The following PSMA8 variants were observed in gnomAD, a reference collection of about 807,000 sequenced individuals.
PSMA8 encodes proteasome 20S subunit alpha 8.
A neutral mutation model predicts 32.4 loss-of-function variants in PSMA8; 18 were observed. The observed-to-expected ratio is 0.56, with a 90% CI of 0.38 to 0.82. PSMA8 has a LOEUF of 0.82. PSMA8 is among the 40% of genes least tolerant of loss of function. The probability of loss-of-function intolerance (pLI) is 0.00; values close to 1 mark genes in which losing one functional copy is unlikely to be tolerated. For missense variants in PSMA8, 298 were observed against 300.7 expected, an observed-to-expected ratio of 0.99 and a Z score of 0.07; for synonymous variants, 104 against 98.1, an observed-to-expected ratio of 1.06 and a Z score of -0.36.
At chr18:26,170,516 A>T (rs1421001795) in intron 4 of PSMA8, among the ~76,000 whole-genome samples, 1 of 130,302 alleles carries the variant, frequency 7.7e-6, no homozygotes, top group Non-Finnish European at 1.5e-5. Flanking sequence ...GGTGCTGGGG[A>T]CTCAGTTGGG....
At chr18:26,155,721 G>T (rs2093977231) in intron 3 of PSMA8, among the ~76,000 whole-genome samples, 1 of 152,120 alleles carries the variant, frequency 6.6e-6, no homozygotes, top group Non-Finnish European at 1.5e-5. Flanking sequence ...TAGAGGAAAT[G>T]CTTTAGGACC....
chr18:26,143,910 C>T (rs562499433), intron 1 of PSMA8, among the ~76,000 whole-genome samples: 111 of 151,998 alleles, frequency 7.3e-4, no homozygotes, highest in Non-Finnish European at 1.0e-3. Flanking sequence ...TTAGTAGAGA[C>T]GGGGTTTCAC....
Position 26,179,184 on chromosome 18 carries a change from A to G in PSMA8, c.660+54A>G, listed in dbSNP as rs2055289049. 5 of 1,438,970 alleles carry G rather than the reference A, an allele frequency of 3.5e-6. No individual in the cohort carries two copies. The African/African-American group carries it at 4.3e-5, about 12-fold the overall frequency. 89.1% of individuals were successfully genotyped at this position (1,438,970 alleles called of 1,614,324 possible). A position where few individuals can be genotyped will look rare whatever the true frequency, so the allele number is the denominator to read the frequency against. ...ATCTGTAGTATAAAGTATTTTGACA[A>G]AAGTTAAAAAGTTGTTGGCCTCTAG... On this transcript the variant is annotated intron_variant, in intron 6 of 6. Transcript: ENST00000415576.
At chr18:26,179,170 A>G (rs756843945) in intron 6 of PSMA8, 40 bp downstream of exon 6, 44 of 1,529,688 alleles carry the variant, frequency 2.9e-5, no homozygotes, top group Non-Finnish European at 3.9e-5. Context: ...TCTGTAGTAT[A>G]AAGTATTTTG....
intron 4 of PSMA8, 68 bp downstream of exon 4, chr18:26,158,312 T>C (rs1409179504): frequency 7.9e-7 from 1 of 1,261,774 alleles, no homozygotes; most frequent in Non-Finnish European, 1.1e-6. Context: ...GCTTTATTGC[T>C]TTGAGAGACA....
At chr18:26,149,366 C>T (rs544033149) in intron 2 of PSMA8, among the ~76,000 whole-genome samples, 1 of 152,280 alleles carries the variant, frequency 6.6e-6, no homozygotes, top group East Asian at 1.9e-4. Context: ...GGATTATTAA[C>T]ATGTCAATAT....
At chr18:26,162,403 G>A (rs1275455812) in intron 4 of PSMA8, among the ~76,000 whole-genome samples, 2 of 151,572 alleles carry the variant, frequency 1.3e-5, no homozygotes, top group Non-Finnish European at 2.9e-5. Flanking sequence ...ATATAAGTGA[G>A]ATCATAAAGT....
intron 2 of PSMA8, among the ~76,000 whole-genome samples, chr18:26,146,031 A>AT (rs1194559371): frequency 3.3e-5 from 5 of 151,968 alleles, no homozygotes; most frequent in African/African-American, 9.7e-5. Flanking sequence ...GCTTTTCTTC[A>AT]TTTTTTTATA....
chr18:26,192,301 A>G lies in PSMA8; in HGVS notation c.661-18A>G. 1 of 1,470,236 alleles carries G rather than the reference A, an allele frequency of 6.8e-7. No homozygotes were observed. Among genetic ancestry groups the G allele is most frequent in the South Asian group, 1.5e-5 (1 of 66,764 alleles). 91.1% of individuals were successfully genotyped at this position (1,470,236 alleles called of 1,614,324 possible). On this transcript the variant is annotated intron_variant, in intron 6 of 6. Coordinates refer to ENST00000415576, the MANE Select transcript of PSMA8 (RefSeq NM_001025096.2). Reference sequence around the variant, plus strand: ...CGTATAACTGACATTTGATCTTTAAATTTTTTTCTCTTTTCAGATGTTTAG... The same window carrying G: ...CGTATAACTGACATTTGATCTTTAAGTTTTTTTCTCTTTTCAGATGTTTAG...
chr18:26,171,404 G>A (rs2055219910), intron 4 of PSMA8: 1 of 1,087,184 alleles, frequency 9.2e-7, no homozygotes, highest in South Asian at 1.3e-5. Context: ...AACGTGTAAT[G>A]GGCTTATTTT....
At chr18:26,152,773 C>T (rs2055057234) in intron 3 of PSMA8, among the ~76,000 whole-genome samples, 1 of 150,454 alleles carries the variant, frequency 6.6e-6, no homozygotes, top group African/African-American at 2.5e-5. Flanking sequence ...TGGATTAATA[C>T]CAATTATAAA....
At chr18:26,188,622 A>T (rs1292964045) in intron 6 of PSMA8, among the ~76,000 whole-genome samples, 1 of 152,210 alleles carries the variant, frequency 6.6e-6, no homozygotes, top group African/African-American at 2.4e-5. Flanking sequence ...CCAAAGCAGC[A>T]TGGTTCTGGC....
chr18:26,158,911 T>C (rs755600008), intron 4 of PSMA8, among the ~76,000 whole-genome samples: 11 of 152,190 alleles, frequency 7.2e-5, no homozygotes, highest in Non-Finnish European at 1.3e-4. Context: ...ATTTTGAGGT[T>C]ACAGTGAGTT....
At chr18:26,188,145 T>G (rs1395474633) in intron 6 of PSMA8, among the ~76,000 whole-genome samples, 1 of 151,866 alleles carries the variant, frequency 6.6e-6, no homozygotes, top group East Asian at 1.9e-4. Context: ...TTTTGGAAAC[T>G]ATACGAATAC....
At chr18:26,143,459 AAATG>A (rs2054975644) in intron 1 of PSMA8, among the ~76,000 whole-genome samples, 1 of 152,226 alleles carries the variant, frequency 6.6e-6, no homozygotes, top group Non-Finnish European at 1.5e-5. Flanking sequence ...GCAGATTGGA[AAATG>A]AATGAATGAA....
In PSMA8 at chr18:26,179,689, G is replaced by A. The variant is rs117779477; in HGVS notation, c.660+559G>A. On this transcript the variant is annotated intron_variant, in intron 6 of 6. Transcript: ENST00000415576. ...AATGTAGTTCACTATTGTTCATTAG[G>A]TAGAACCAACTGTACAACATAGTTT... Among the ~76,000 whole-genome samples, 35 of 152,236 alleles carry A rather than the reference G, an allele frequency of 2.3e-4. No individual in the cohort carries two copies. In the East Asian group the frequency reaches 6.6e-3, roughly 29 times the overall value.
chr18:26,154,365 T>C (rs2055070004), intron 3 of PSMA8, among the ~76,000 whole-genome samples: 1 of 152,224 alleles, frequency 6.6e-6, no homozygotes, highest in Non-Finnish European at 1.5e-5. Context: ...ATTCTACTTA[T>C]TTTATTTGCT....
chr18:26,167,605 A>C (rs1036950190), intron 4 of PSMA8, among the ~76,000 whole-genome samples: 1 of 152,226 alleles, frequency 6.6e-6, no homozygotes, highest in Non-Finnish European at 1.5e-5. Flanking sequence ...CTAATTCCAT[A>C]GGATCGATGT....
intron 4 of PSMA8, among the ~76,000 whole-genome samples, chr18:26,172,720 T>C (rs1184847214): frequency 6.6e-6 from 1 of 152,178 alleles, no homozygotes; most frequent in African/African-American, 2.4e-5. Context: ...TGGTCACACA[T>C]TGCTTCCAAC....
Sources: allele counts gnomAD v4.1 joint callset (sites outside exome capture counted in the v4.1 genomes callset), GRCh38; gene constraint gnomAD v4.1.1; transcripts MANE v1.5; gene names NCBI Gene and HGNC (gene_info 2026-07-23, HGNC 2026-07-21).